Variants in TAS1R1 observed in about 807,000 individuals in gnomAD.
The protein encoded by TAS1R1 is taste 1 receptor member 1.
TAS1R1 carries 31 observed loss-of-function variants against 45.8 expected under a neutral mutation model. That is an observed-to-expected ratio of 0.68 (90% CI 0.51 to 0.91). The LOEUF (loss-of-function observed/expected upper bound fraction) is 0.91, where lower values mean the gene tolerates loss of function less well. Ranked by LOEUF, TAS1R1 falls within the 40% of genes least tolerant of loss-of-function variation. TAS1R1 has a pLI of 0.00. For missense variants in TAS1R1, 1,051 were observed against 1,063.9 expected (o/e 0.99, Z 0.17); for synonymous variants, 437 against 448.4 (o/e 0.97, Z 0.32).
intron 1 of TAS1R1, among the ~76,000 whole-genome samples, chr1:6,569,428 C>T (rs957668099): frequency 6.6e-5 from 10 of 152,106 alleles, no homozygotes; most frequent in African/African-American, 2.2e-4. Flanking sequence ...ACATTGAAAT[C>T]GAAAGTGCCA....
In TAS1R1 at chr1:6,574,483, G is replaced by A. The variant is rs546049497; in HGVS notation, c.499-148G>A. The A allele has an allele frequency of 4.2e-5, 43 of 1,030,100 alleles. No homozygotes were observed. The highest frequency in any genetic ancestry group is 1.2e-4 in the Admixed American group (4 of 33,816). 63.8% of individuals were successfully genotyped at this position (1,030,100 alleles called of 1,614,324 possible). On this transcript the variant is annotated intron_variant, in intron 2 of 5. Transcript: ENST00000333172. The surrounding 1 kb of genome is among the most constrained non-coding windows in gnomAD (Gnocchi z 4.3). ...CCCTCCCCCAGAACCTGCCCCAGTG[G>A]AGCCTTCGCAGGTGATTTGTCAGTT...
chr1:6,555,666 T>A lies in TAS1R1; in HGVS notation c.191+102T>A, dbSNP rs1008356980. ...AGGACCTTGCCTCTGCCTTTGCCCC[T>A]TGAACTGTCCCCAGGCCTTGTTCAT... is the stretch of plus-strand genomic sequence containing the variant. On this transcript the variant is annotated intron_variant, in intron 1 of 5. Transcript: ENST00000333172. 30 of 1,138,954 alleles carry A rather than the reference T, an allele frequency of 2.6e-5. No homozygotes were observed. The Middle Eastern group carries it at 1.0e-3, about 40-fold the overall frequency. The allele number at this position is 1,138,954 out of a possible 1,614,324, so 70.6% of individuals were successfully genotyped here. A position where few individuals can be genotyped will look rare whatever the true frequency, so the allele number is the denominator to read the frequency against.
intron 2 of TAS1R1, among the ~76,000 whole-genome samples, chr1:6,572,631 C>A (rs890996454): frequency 6.6e-6 from 1 of 152,138 alleles, no homozygotes; most frequent in African/African-American, 2.4e-5. Flanking sequence ...CCCCTGCCCC[C>A]ACCTGGCTTT....
Position 6,573,904 on chromosome 1 carries a change from C to T in TAS1R1, c.499-727C>T, listed in dbSNP as rs1052976650. On this transcript the variant is annotated intron_variant, in intron 2 of 5. Coordinates refer to ENST00000333172, the MANE Select transcript of TAS1R1 (RefSeq NM_138697.4). Reference sequence around the variant, plus strand: ...GGTCGCAAACTCCTAACCTCGTGATCCACCCACCTCGGCCTCCCAATGTGC... The same window carrying T: ...GGTCGCAAACTCCTAACCTCGTGATTCACCCACCTCGGCCTCCCAATGTGC... Among the ~76,000 whole-genome samples the T allele has an allele frequency of 3.3e-5, 5 of 152,070 alleles. No individual in the cohort carries two copies. The East Asian group carries it at 9.6e-4, about 29-fold the overall frequency.
At chr1:6,572,166 G>A (rs1640034684) in intron 2 of TAS1R1, among the ~76,000 whole-genome samples, 1 of 151,814 alleles carries the variant, frequency 6.6e-6, no homozygotes, top group Non-Finnish European at 1.5e-5. Context: ...CCCTCAGCCC[G>A]ATTCTGTCCC....
At chr1:6,561,062 GCAT>G (rs1378201889) in intron 1 of TAS1R1, among the ~76,000 whole-genome samples, 1 of 151,748 alleles carries the variant, frequency 6.6e-6, no homozygotes, top group Non-Finnish European at 1.5e-5. Context: ...TCTTGAAGTA[GCAT>G]CATGTCTTGT....
At chr1:6,569,676 T>C (rs964127992) in intron 1 of TAS1R1, among the ~76,000 whole-genome samples, 3 of 151,652 alleles carry the variant, frequency 2.0e-5, no homozygotes, top group Non-Finnish European at 2.9e-5. Flanking sequence ...GGAGAGGGCG[T>C]CCTGTGTCCC....
rs781471308 is a variant in TAS1R1, at chr1:6,578,664, T to C, written c.1606T>C (p.Cys536Arg). 1.2e-5 allele frequency: 19 copies of C among 1,580,902 alleles called. No homozygotes were observed. The highest frequency in any genetic ancestry group is 3.5e-5 in the South Asian group (3 of 85,764). ...GCCTTCCCTTTCAGACCTCTACAGA[T>C]GCCAGCCTTGTGGGAAAGAAGAGTG... ...TFLNKSDLYR[C>R]QPCGKEEWAP... Residue 536 changes from cysteine to arginine, a missense_variant, in exon 6 of 6, where the codon TGC becomes CGC. Transcript: ENST00000333172.
At chr1:6,565,880 G>T (rs1285059234) in intron 1 of TAS1R1, among the ~76,000 whole-genome samples, 1 of 152,178 alleles carries the variant, frequency 6.6e-6, no homozygotes, top group Non-Finnish European at 1.5e-5. Context: ...AAGAAAGAGA[G>T]AATTTCACTC....
At chr1:6,576,919 C>G (rs75767874) in intron 4 of TAS1R1, 31 bp from the exon 5 acceptor site, 28 of 1,614,064 alleles carry the variant, frequency 1.7e-5, no homozygotes, top group Non-Finnish European at 2.1e-5. Context: ...TGACTTGGGC[C>G]CCTACGTGTG....
intron 1 of TAS1R1, among the ~76,000 whole-genome samples, chr1:6,561,917 T>C (rs1639796222): frequency 6.6e-6 from 1 of 151,974 alleles, no homozygotes; most frequent in Non-Finnish European, 1.5e-5. Context: ...AAAGAGAAAG[T>C]GGGACCAGGG....
rs758167596 is a variant in TAS1R1 at position 6,578,659 on chromosome 1, A to G, written c.1601A>G (p.Tyr534Cys). The change falls in exon 6 of 6, where the codon TAC (tyrosine) becomes TGC (cysteine). Residue 534 changes from tyrosine to cysteine, a missense_variant. Coordinates refer to ENST00000333172, the MANE Select transcript of TAS1R1 (RefSeq NM_138697.4). ...AGTFLNKSDL[Y>C]RCQPCGKEEW... ...TCTTGGCCTTCCCTTTCAGACCTCT[A>G]CAGATGCCAGCCTTGTGGGAAAGAA... 1 of 1,574,900 alleles carries G rather than the reference A, an allele frequency of 6.3e-7. No individual in the cohort carries two copies. Among genetic ancestry groups the G allele is most frequent in the Non-Finnish European group, 8.6e-7 (1 of 1,157,744 alleles).
intron 1 of TAS1R1, among the ~76,000 whole-genome samples, chr1:6,564,196 A>G (rs2148668813): frequency 6.6e-6 from 1 of 152,058 alleles, no homozygotes; most frequent in East Asian, 1.9e-4. Context: ...TGCGGTGGGG[A>G]TTGTGAGGAT....
intron 2 of TAS1R1, among the ~76,000 whole-genome samples, chr1:6,573,169 C>T (rs773498708): frequency 2.6e-5 from 4 of 151,996 alleles, no homozygotes; most frequent in African/African-American, 7.3e-5. Flanking sequence ...ATGCAAGTCC[C>T]GGCCGGGCAC....
chr1:6,557,798 G>A (rs1263185833), intron 1 of TAS1R1, among the ~76,000 whole-genome samples: 1 of 152,040 alleles, frequency 6.6e-6, no homozygotes, highest in Non-Finnish European at 1.5e-5. Context: ...CCACCTCCTG[G>A]GATCAAGCAA....
rs1640182934 is a variant in TAS1R1 at position 6,576,637 on chromosome 1, A to T, written c.1473+10A>T. 1.2e-6 allele frequency: 2 copies of T among 1,611,410 alleles called. No individual in the cohort carries two copies. The highest frequency in any genetic ancestry group is 1.7e-6 in the Non-Finnish European group (2 of 1,178,380). On this transcript the variant is annotated intron_variant, in intron 4 of 5. Transcript: ENST00000333172. ...CGGAAAGGACAACCAGGTAATGGGG[A>T]TGTGGCTACTCACCATGTAACTGGC...
In TAS1R1 at chr1:6,579,177, A is replaced by C. The variant is rs1265601987; in HGVS notation, c.2119A>C (p.Arg707=). Residue 707 remains arginine (R), a synonymous_variant, in exon 6 of 6, where the codon AGG becomes CGG. Transcript: ENST00000333172. ...WLVVWTPLPA[R]EYQRFPHLVM... ...GGTGGTGTGGACCCCACTGCCTGCT[A>C]GGGAATACCAGCGCTTCCCCCATCT... 3.1e-6 allele frequency: 5 copies of C among 1,614,168 alleles called. No individual in the cohort carries two copies. Among genetic ancestry groups the C allele is most frequent in the Non-Finnish European group, 4.2e-6 (5 of 1,180,024 alleles).
intron 1 of TAS1R1, among the ~76,000 whole-genome samples, chr1:6,567,819 G>A (rs189630396): frequency 8.3e-4 from 126 of 152,212 alleles, no homozygotes; most frequent in African/African-American, 2.7e-3. Flanking sequence ...CTGTCTGCTG[G>A]CAGACTGGGC....
Position 6,570,923 on chromosome 1 carries a change from A to T in TAS1R1, c.206A>T (p.Asn69Ile). 8.7e-6 allele frequency: 14 copies of T among 1,603,158 alleles called. No homozygotes were observed. Among genetic ancestry groups the T allele is most frequent in the Non-Finnish European group, 1.2e-5 (14 of 1,174,524 alleles). Residue 69 changes from asparagine to isoleucine, a missense_variant, in exon 2 of 6, where the codon AAT (asparagine) becomes ATT (isoleucine). By Grantham distance (149) the Asn-to-Ile change is moderately radical. Transcript: ENST00000333172. Reference protein sequence around the residue: ...VTLCDRSCSFNEHGYHLFQAM... With the variant: ...VTLCDRSCSFIEHGYHLFQAM... Reference sequence around the variant, plus strand: ...TTTCTCCACAGGTCTTGTAGCTTCAATGAGCATGGCTACCACCTCTTCCAG... The same window carrying T: ...TTTCTCCACAGGTCTTGTAGCTTCATTGAGCATGGCTACCACCTCTTCCAG...
Sources: gnomAD v4.1 joint callset for allele counts (sites outside exome capture counted in the v4.1 genomes callset) on GRCh38, gnomAD v4.1.1 for gene constraint, Gnocchi (gnomAD v3.1) non-coding constraint, MANE v1.5 for transcripts, NCBI Gene and HGNC (gene_info 2026-07-23, HGNC 2026-07-21) for gene names.